Variants in RNF228 observed in about 807,000 individuals in gnomAD.
The protein encoded by RNF228 is ring finger protein 228.
At chr2:222,316,233 T>C in the RNF228 span, among the ~76,000 whole-genome samples, 3 of 152,212 alleles carry the variant, frequency 2.0e-5, no homozygotes, top group Admixed American at 2.0e-4. Flanking sequence ...GAATGCCAGA[T>C]AACCACTAGA....
the RNF228 span, chr2:222,317,986 A>G: frequency 6.6e-6 from 1 of 152,248 alleles, no homozygotes; most frequent in African/African-American, 2.4e-5. Context: ...GGAAATCTTA[A>G]TGCACAAAAA....
chr2:222,317,253 A>G, the RNF228 span: 2 of 152,238 alleles, frequency 1.3e-5, no homozygotes, highest in South Asian at 4.1e-4. Context: ...ATTTCTATAA[A>G]TACCTCTTGT....
chr2:222,314,732 A>G, the RNF228 span, among the ~76,000 whole-genome samples: 4 of 152,258 alleles, frequency 2.6e-5, no homozygotes, highest in African/African-American at 7.2e-5. Context: ...AGATCATAAA[A>G]TTAGCAATTC....
At chr2:222,318,844 A>C in the RNF228 span, 1 of 146,110 alleles carries the variant, frequency 6.8e-6, no homozygotes, top group Non-Finnish European at 1.5e-5. Context: ...GAGGGGCGAC[A>C]GAAGCCCGAG....
the RNF228 span, chr2:222,317,916 T>A: frequency 6.6e-6 from 1 of 152,198 alleles, no homozygotes; most frequent in Non-Finnish European, 1.5e-5. Flanking sequence ...GCTCCTAATT[T>A]CGAAATGTAT....
chr2:222,315,932 C>A, the RNF228 span, among the ~76,000 whole-genome samples: 42 of 152,172 alleles, frequency 2.8e-4, no homozygotes, highest in Admixed American at 4.6e-4. Flanking sequence ...CCATGGGGAC[C>A]AGGAGTTTCC....
the RNF228 span, among the ~76,000 whole-genome samples, chr2:222,314,797 G>A: frequency 1.3e-5 from 2 of 152,310 alleles, no homozygotes; most frequent in Non-Finnish European, 2.9e-5. Flanking sequence ...AAAACAGGGA[G>A]TAACAAATAG....
the RNF228 span, among the ~76,000 whole-genome samples, chr2:222,316,449 A>C: frequency 6.6e-6 from 1 of 152,254 alleles, no homozygotes; most frequent in Non-Finnish European, 1.5e-5. Flanking sequence ...TAATAGAAGC[A>C]AAATGTGGCT....
At chr2:222,314,521 C>T in the RNF228 span, among the ~76,000 whole-genome samples, 12 of 152,168 alleles carry the variant, frequency 7.9e-5, no homozygotes, top group East Asian at 7.7e-4. Context: ...CAAAGGAAGA[C>T]GTGTAATGCA....
At chr2:222,315,699 G>T in the RNF228 span, among the ~76,000 whole-genome samples, 1,082 of 152,292 alleles carry the variant, frequency 7.1e-3, 13 homozygotes, top group African/African-American at 0.025. Flanking sequence ...TCCGACTAAA[G>T]AGAGAACCAA....
the RNF228 span, among the ~76,000 whole-genome samples, chr2:222,315,683 G>C: frequency 6.6e-6 from 1 of 152,094 alleles, no homozygotes; most frequent in East Asian, 1.9e-4. Flanking sequence ...GATTTTTAAC[G>C]GTCTTTCCGA....
the RNF228 span, among the ~76,000 whole-genome samples, chr2:222,314,647 G>A: frequency 6.6e-5 from 10 of 152,294 alleles, no homozygotes; most frequent in African/African-American, 1.2e-4. Flanking sequence ...AAGAGGGTAC[G>A]AGTTGAATCA....
chr2:222,319,578 C>A, the RNF228 span, among the ~76,000 whole-genome samples: 6 of 145,748 alleles, frequency 4.1e-5, no homozygotes, highest in Non-Finnish European at 6.1e-5. The surrounding 1 kb of genome is among the most constrained non-coding windows in gnomAD (Gnocchi z 7.6). Flanking sequence ...CGGCGGGAGG[C>A]GGTCCTGGGG....
the RNF228 span, among the ~76,000 whole-genome samples, chr2:222,316,783 T>C: frequency 6.6e-6 from 1 of 152,188 alleles, no homozygotes; most frequent in Non-Finnish European, 1.5e-5. Flanking sequence ...CAGTTTTTAG[T>C]GCAAACAGAA....
the RNF228 span, chr2:222,317,939 T>C: frequency 2.0e-5 from 3 of 152,322 alleles, no homozygotes; most frequent in East Asian, 5.8e-4. Context: ...GGACTCGAGG[T>C]ATGGGAATAA....
At chr2:222,315,297 A>T in the RNF228 span, among the ~76,000 whole-genome samples, 4 of 152,346 alleles carry the variant, frequency 2.6e-5, no homozygotes, top group African/African-American at 9.6e-5. Context: ...CAAATGGATG[A>T]CCAGATAGAC....
chr2:222,319,075 G>GGCCGCC, the RNF228 span: 21 of 173,930 alleles, frequency 1.2e-4, no homozygotes, highest in Non-Finnish European at 1.9e-4. This position sits in a 1 kb window ranked among gnomAD's most constrained non-coding sequence, Gnocchi z 7.6. Flanking sequence ...CGTGCCCTCG[G>GGCCGCC]GCCGCCGCCG....
At chr2:222,316,469 A>T in the RNF228 span, among the ~76,000 whole-genome samples, 3 of 152,254 alleles carry the variant, frequency 2.0e-5, no homozygotes, top group Non-Finnish European at 4.4e-5. Flanking sequence ...TTCTGTTGCC[A>T]TCGAGGTGAT....
chr2:222,316,319 C>T, the RNF228 span, among the ~76,000 whole-genome samples: 1 of 152,170 alleles, frequency 6.6e-6, no homozygotes, highest in African/African-American at 2.4e-5. Context: ...AGCAATAAAG[C>T]ATGGTAAGCC....
Sources: allele counts gnomAD v4.1 joint callset (sites outside exome capture counted in the v4.1 genomes callset), GRCh38; gene constraint gnomAD v4.1.1; non-coding constraint Gnocchi (gnomAD v3.1); transcripts MANE v1.5; gene names NCBI Gene and HGNC (gene_info 2026-07-23, HGNC 2026-07-21).